Variants in PEDS1 observed in about 807,000 individuals in gnomAD.
PEDS1 encodes the protein plasmanylethanolamine desaturase 1.
A neutral mutation model predicts 35.2 loss-of-function variants in PEDS1; 14 were observed. The ratio of observed to expected loss-of-function variants is 0.40; its 90% CI spans 0.26 to 0.62. PEDS1 has a LOEUF of 0.62. Among genes scored for constraint, PEDS1 ranks in the 20% least tolerant of loss-of-function variants. The pLI is 0.44. For synonymous variants in PEDS1, 152 were observed against 152.0 expected, an observed-to-expected ratio of 1.00 and a Z score of 0.00; for missense variants, 260 against 367.8, an observed-to-expected ratio of 0.71 and a Z score of 2.40.
rs751901988 is a variant in PEDS1, at chr20:50,125,009, G to A, written c.*49C>T. 126 of 1,605,084 alleles carry A rather than the reference G, an allele frequency of 7.9e-5. No homozygotes were observed. The highest frequency in any genetic ancestry group is 7.8e-5 in the Non-Finnish European group (92 of 1,173,438). ...AGGCTGGAATTTGGCAGATGGCTTC[G>A]GTTTGGGGGCTAGGGAAGGTTGGCA... On this transcript the variant is annotated 3_prime_UTR_variant, in exon 6 of 6. Coordinates refer to ENST00000371652, the MANE Select transcript of PEDS1 (RefSeq NM_199129.4).
intron 2 of PEDS1, among the ~76,000 whole-genome samples, chr20:50,137,102 G>A (rs185155351): frequency 1.3e-5 from 2 of 152,274 alleles, no homozygotes; most frequent in African/African-American, 4.8e-5. Flanking sequence ...CTCTCCCACT[G>A]TGGCCCAGAC....
rs143011862 is a variant in PEDS1 at position 50,148,636 on chromosome 20, C to T, written c.121+4881G>A. Among the ~76,000 whole-genome samples, 136 of 152,318 alleles carry T rather than the reference C, an allele frequency of 8.9e-4. 2 individuals carry two copies. In the East Asian group the frequency reaches 0.02, roughly 23 times the overall value. ...GCAGTCAAAGGCTTGGTGGGCCCAA[C>T]TCTTCTGGTTCCAGGCAGAGACAAG... On this transcript the variant is annotated intron_variant, in intron 1 of 5. Transcript: ENST00000371652.
intron 2 of PEDS1, among the ~76,000 whole-genome samples, chr20:50,135,139 C>T (rs1252105196): frequency 6.6e-6 from 1 of 152,046 alleles, no homozygotes; most frequent in Non-Finnish European, 1.5e-5. Context: ...GAGCAGAGCT[C>T]GTGCCACTGC....
In PEDS1 at chr20:50,124,977, C is replaced by G; in HGVS notation, c.*81G>C. On this transcript the variant is annotated 3_prime_UTR_variant, in exon 6 of 6. Transcript: ENST00000371652. ...TGTCCTCTCCATCTGGAGGGGCCAG[C>G]TCAAAGAGGCTGGAATTTGGCAGAT... 1.3e-6 allele frequency: 2 copies of G among 1,581,342 alleles called. No individual in the cohort carries two copies. Among genetic ancestry groups the G allele is most frequent in the Non-Finnish European group, 1.7e-6 (2 of 1,159,312 alleles).
Position 50,124,864 on chromosome 20 carries a change from A to C in PEDS1, c.*194T>G. 4.1e-6 allele frequency: 2 copies of C among 483,874 alleles called. No individual in the cohort carries two copies. Among genetic ancestry groups the C allele is most frequent in the Non-Finnish European group, 6.5e-6 (2 of 307,166 alleles). The allele number at this position is 483,874 out of a possible 1,614,324, so 30.0% of individuals were successfully genotyped here. A position where few individuals can be genotyped will look rare whatever the true frequency, so the allele number is the denominator to read the frequency against. Reference sequence around the variant, plus strand: ...CAGGTGGCTGAGGAGGGGCCGAGGAAAAAAAAAAAAAAGAAATGAAAAATC... The same window carrying C: ...CAGGTGGCTGAGGAGGGGCCGAGGACAAAAAAAAAAAAGAAATGAAAAATC... On this transcript the variant is annotated 3_prime_UTR_variant, in exon 6 of 6. Transcript: ENST00000371652.
At chr20:50,149,704 C>T (rs913737178) in intron 1 of PEDS1, among the ~76,000 whole-genome samples, 11 of 152,208 alleles carry the variant, frequency 7.2e-5, no homozygotes, top group African/African-American at 2.4e-4. Flanking sequence ...GCTCCCTACA[C>T]ACAGAGGCCC....
At chr20:50,140,812 T>C (rs2081284976) in intron 2 of PEDS1, among the ~76,000 whole-genome samples, 1 of 152,238 alleles carries the variant, frequency 6.6e-6, no homozygotes, top group East Asian at 1.9e-4. Context: ...GGGCAGGCTC[T>C]GCAGGCTGGC....
chr20:50,144,251 G>A (rs1308003207), intron 1 of PEDS1, among the ~76,000 whole-genome samples: 1 of 152,356 alleles, frequency 6.6e-6, no homozygotes, highest in East Asian at 1.9e-4. Flanking sequence ...TCTCTCTGGA[G>A]ACACCTAAGG....
intron 2 of PEDS1, among the ~76,000 whole-genome samples, chr20:50,132,083 A>G (rs2081186334): frequency 6.6e-6 from 1 of 152,142 alleles, no homozygotes; most frequent in Admixed American, 6.5e-5. Flanking sequence ...ACACACCTAT[A>G]ATCCCAGCTA....
At chr20:50,143,730 C>T in intron 1 of PEDS1, 109 bp from the exon 2 acceptor site, 4 of 1,473,412 alleles carry the variant, frequency 2.7e-6, no homozygotes, top group Non-Finnish European at 3.6e-6. Flanking sequence ...CAGAGTCTCA[C>T]TCTATCACCC....
chr20:50,139,174 C>T (rs1178422344), intron 2 of PEDS1, among the ~76,000 whole-genome samples: 1 of 152,186 alleles, frequency 6.6e-6, no homozygotes, highest in Non-Finnish European at 1.5e-5. Flanking sequence ...TCATCCCTGA[C>T]CTCTGGACTC....
In PEDS1 at chr20:50,153,521, C is replaced by A. The variant is rs1285853171; in HGVS notation, c.117G>T (p.Ser39=). ...AGARELAALY[S]PGKRLQEWCS... ...AGGGGGGCCCAGAGGTCTTACCTGG[C>A]GAGTAGAGCGCAGCCAGCTCGCGGG... Residue 39 remains serine (S), a synonymous_variant, in exon 1 of 6, where the codon TCG becomes TCT. Coordinates refer to ENST00000371652, the MANE Select transcript of PEDS1 (RefSeq NM_199129.4). 5.0e-6 allele frequency: 7 copies of A among 1,409,162 alleles called. No homozygotes were observed. In the African/African-American group the frequency reaches 8.9e-5, roughly 18 times the overall value. 87.3% of individuals were successfully genotyped at this position (1,409,162 alleles called of 1,614,324 possible). A position where few individuals can be genotyped will look rare whatever the true frequency, so the allele number is the denominator to read the frequency against.
At chr20:50,144,759 G>A (rs1254847337) in intron 1 of PEDS1, among the ~76,000 whole-genome samples, 1 of 152,118 alleles carries the variant, frequency 6.6e-6, no homozygotes, top group African/African-American at 2.4e-5. Context: ...AGATGTCCAG[G>A]ACATCTAGGT....
chr20:50,127,339 GGTTTTTTTT>G (rs1186571793), intron 5 of PEDS1, among the ~76,000 whole-genome samples: 12 of 125,450 alleles, frequency 9.6e-5, no homozygotes, highest in African/African-American at 3.8e-4. Context: ...CGTGTTTTCT[GGTTTTTTTT>G]TTTTTTTTTT....
At position 50,124,829 on chromosome 20, in the gene PEDS1, T is replaced by C. The variant is rs1210976734; in HGVS notation, c.*229A>G. On this transcript the variant is annotated 3_prime_UTR_variant, in exon 6 of 6. Coordinates refer to ENST00000371652, the MANE Select transcript of PEDS1 (RefSeq NM_199129.4). ...AGGCTGGCAGAGTCAGGCTTGCAGA[T>C]AGAGCAACTCAGGTGGCTGAGGAGG... The C allele has an allele frequency of 3.0e-5, 14 of 473,156 alleles. No homozygotes were observed. The highest frequency in any genetic ancestry group is 3.7e-5 in the Non-Finnish European group (10 of 266,844). 29.3% of individuals were successfully genotyped at this position (473,156 alleles called of 1,614,324 possible).
chr20:50,126,266 A>G (rs1026476100), intron 5 of PEDS1, among the ~76,000 whole-genome samples: 2 of 152,184 alleles, frequency 1.3e-5, no homozygotes, highest in African/African-American at 4.8e-5. Flanking sequence ...TGAGGTAGAT[A>G]CTAATATCAG....
chr20:50,146,315 C>G (rs574346647), intron 1 of PEDS1, among the ~76,000 whole-genome samples: 2 of 152,264 alleles, frequency 1.3e-5, no homozygotes, highest in South Asian at 4.1e-4. Context: ...TCCCCCCACA[C>G]GAGGCCCATT....
chr20:50,131,052 G>A (rs754118990), intron 2 of PEDS1, 105 bp from the exon 3 acceptor site: 5 of 1,588,992 alleles, frequency 3.1e-6, no homozygotes, highest in Non-Finnish European at 4.3e-6. Flanking sequence ...GGAGGGGAAG[G>A]TGTCCCTTCT....
At chr20:50,138,851 G>A (rs896280989) in intron 2 of PEDS1, among the ~76,000 whole-genome samples, 3 of 152,216 alleles carry the variant, frequency 2.0e-5, no homozygotes, top group Non-Finnish European at 4.4e-5. Flanking sequence ...GACAAGGAGA[G>A]GGATGGGAGA....
Sources: gnomAD v4.1 joint callset for allele counts (sites outside exome capture counted in the v4.1 genomes callset) on GRCh38, gnomAD v4.1.1 for gene constraint, MANE v1.5 for transcripts, NCBI Gene and HGNC (gene_info 2026-07-23, HGNC 2026-07-21) for gene names.